The following TFG variants were observed in gnomAD, a reference collection of about 807,000 sequenced individuals.
TFG encodes trafficking from ER to golgi regulator, also known as protein TFG.
In TFG, 22 loss-of-function variants were observed where a neutral mutation model predicts 51.4. That is an observed-to-expected ratio of 0.43 (90% confidence interval 0.31 to 0.61). The LOEUF (loss-of-function observed/expected upper bound fraction) is 0.61, where lower values mean the gene tolerates loss of function less well. TFG is among the 20% of genes least tolerant of loss of function. TFG has a pLI of 0.12. For missense variants in TFG, 419 were observed against 487.7 expected, an observed-to-expected ratio of 0.86 and a Z score of 1.33; for synonymous variants, 187 against 165.6, an observed-to-expected ratio of 1.13 and a Z score of -0.99.
chr3:100,711,358 C>T (rs1576351161), intron 1 of TFG, among the ~76,000 whole-genome samples: 1 of 152,206 alleles, frequency 6.6e-6, no homozygotes, highest in South Asian at 2.1e-4. Context: ...GCCTCGGCCT[C>T]CCAAAGTGCT....
At chr3:100,742,439 T>G (rs1246452637) in intron 6 of TFG, 1 of 152,160 alleles carries the variant, frequency 6.6e-6, no homozygotes, top group Non-Finnish European at 1.5e-5. Context: ...AGATAATGAT[T>G]TATGCAGTTA....
intron 2 of TFG, among the ~76,000 whole-genome samples, chr3:100,714,536 G>A (rs1280970561): frequency 6.6e-6 from 1 of 150,808 alleles, no homozygotes; most frequent in Non-Finnish European, 1.5e-5. Flanking sequence ...TATTAGAAGG[G>A]AATTTTAAGT....
chr3:100,730,777 T>TG (rs2095089400), intron 4 of TFG, among the ~76,000 whole-genome samples: 1 of 152,202 alleles, frequency 6.6e-6, no homozygotes, highest in South Asian at 2.1e-4. Context: ...ATTGACCTGT[T>TG]GCAGTATCTC....
intron 2 of TFG, among the ~76,000 whole-genome samples, chr3:100,717,210 A>G (rs947390287): frequency 1.2e-4 from 18 of 152,216 alleles, no homozygotes; most frequent in African/African-American, 3.1e-4. Context: ...TATGTGTTCT[A>G]TTGATCTATG....
Position 100,733,909 on chromosome 3 carries a change from A to G in TFG, c.580+1237A>G, listed in dbSNP as rs376396150. Among the ~76,000 whole-genome samples the G allele has an allele frequency of 7.9e-5, 12 of 152,348 alleles. No individual in the cohort carries two copies. The South Asian group carries it at 1.2e-3, about 16-fold the overall frequency. On this transcript the variant is annotated intron_variant, in intron 5 of 7. Coordinates refer to ENST00000240851, the MANE Select transcript of TFG (RefSeq NM_006070.6). ...TGCATATTCAGTGAGGTAAAGGCAG[A>G]CAAAGGTTTTTAAAGGAAAAAATGA...
At chr3:100,740,668 T>G (rs1346631861) in intron 6 of TFG, among the ~76,000 whole-genome samples, 1 of 152,188 alleles carries the variant, frequency 6.6e-6, no homozygotes, top group East Asian at 1.9e-4. Context: ...TCATAAATGC[T>G]ATACATGTGC....
At chr3:100,746,808 T>C (rs1370897977) in intron 7 of TFG, among the ~76,000 whole-genome samples, 6 of 152,196 alleles carry the variant, frequency 3.9e-5, no homozygotes, top group Non-Finnish European at 8.8e-5. Flanking sequence ...TTTTCTTTTT[T>C]CTCGCAGTGT....
chr3:100,740,643 G>A (rs373033831), intron 6 of TFG, among the ~76,000 whole-genome samples: 2 of 152,048 alleles, frequency 1.3e-5, no homozygotes, highest in African/African-American at 4.8e-5. Context: ...GAATATAAAC[G>A]ATACCAACCC....
chr3:100,710,738 C>T (rs551847451), intron 1 of TFG, among the ~76,000 whole-genome samples: 1 of 152,144 alleles, frequency 6.6e-6, no homozygotes, highest in South Asian at 2.1e-4. Flanking sequence ...AGTTAGAAGC[C>T]GAGTCATTTC....
intron 6 of TFG, among the ~76,000 whole-genome samples, chr3:100,737,477 A>T (rs573273361): frequency 6.6e-6 from 1 of 152,348 alleles, no homozygotes; most frequent in Non-Finnish European, 1.5e-5. Context: ...GAATGTGACT[A>T]AGTACTTAAC....
chr3:100,743,350 T>A (rs1426063792), intron 6 of TFG: 1 of 152,206 alleles, frequency 6.6e-6, no homozygotes, highest in East Asian at 1.9e-4. Flanking sequence ...TTGATTATAT[T>A]TCTGTACCTA....
intron 6 of TFG, chr3:100,743,917 T>C (rs1333477484): frequency 6.6e-6 from 1 of 152,108 alleles, no homozygotes; most frequent in Admixed American, 6.5e-5. Flanking sequence ...TTTTAAAGAT[T>C]TAAATACCAG....
intron 6 of TFG, among the ~76,000 whole-genome samples, chr3:100,738,893 TACTC>T (rs1392728085): frequency 2.6e-5 from 4 of 152,222 alleles, no homozygotes; most frequent in Admixed American, 2.6e-4. Flanking sequence ...ATCCAACGTG[TACTC>T]ACTATTAAAA....
chr3:100,742,920 C>T (rs1423172045), intron 6 of TFG: 1 of 151,466 alleles, frequency 6.6e-6, no homozygotes, highest in Non-Finnish European at 1.5e-5. Flanking sequence ...AAGAGTTGTA[C>T]CCTATAAATT....
At chr3:100,709,436 G>C (rs1198344592), upstream of TFG, 1 of 152,568 alleles carries the variant, frequency 6.6e-6, no homozygotes. Context: ...TCCTGGGTAT[G>C]TCCACGCGCA....
intron 2 of TFG, among the ~76,000 whole-genome samples, chr3:100,717,625 G>T (rs1576356524): frequency 8.9e-6 from 1 of 112,244 alleles, no homozygotes; most frequent in African/African-American, 3.5e-5. Context: ...TGGTTAAACT[G>T]CTTCCTAGAT....
intron 3 of TFG, among the ~76,000 whole-genome samples, chr3:100,721,283 A>G (rs565837446): frequency 6.6e-6 from 1 of 152,156 alleles, no homozygotes; most frequent in African/African-American, 2.4e-5. Context: ...AGGGAACAAA[A>G]AAGTAGAGGG....
intron 1 of TFG, among the ~76,000 whole-genome samples, chr3:100,710,699 G>A (rs529090114): frequency 9.2e-5 from 14 of 152,300 alleles, no homozygotes; most frequent in Non-Finnish European, 1.8e-4. Context: ...GCTGAGAAAA[G>A]TGTACCTGGT....
At chr3:100,721,936 A>T (rs2095061922) in intron 3 of TFG, among the ~76,000 whole-genome samples, 1 of 152,218 alleles carries the variant, frequency 6.6e-6, no homozygotes, top group Admixed American at 6.5e-5. Context: ...GGATTGCCTG[A>T]GTGCAGGAGT....
Sources: gnomAD v4.1 joint callset for allele counts (sites outside exome capture counted in the v4.1 genomes callset) on GRCh38, gnomAD v4.1.1 for gene constraint, MANE v1.5 for transcripts, NCBI Gene and HGNC (gene_info 2026-07-23, HGNC 2026-07-21) for gene names.